The following GRID2 variants were observed in gnomAD, a reference collection of about 807,000 sequenced individuals.
GRID2 encodes the protein glutamate ionotropic receptor delta type subunit 2.
GRID2 carries 33 observed loss-of-function variants against 114.8 expected under a neutral mutation model. The observed-to-expected ratio is 0.29, with a 90% CI of 0.22 to 0.38. The LOEUF (loss-of-function observed/expected upper bound fraction) is 0.38. GRID2 is among the 10% of genes least tolerant of loss of function. The pLI is 1.00. For synonymous variants in GRID2, 505 were observed against 449.9 expected (o/e 1.12, Z -1.55); for missense variants, 1,184 against 1,257.7 (o/e 0.94, Z 0.89).
intron 1 of GRID2, among the ~76,000 whole-genome samples, chr4:92,451,952 G>A (rs1720950218): frequency 6.6e-6 from 1 of 152,102 alleles, no homozygotes; most frequent in Non-Finnish European, 1.5e-5. Context: ...TTGTGATTTG[G>A]CTTTCTCCAC....
At chr4:93,061,201 T>G (rs1361812066) in intron 2 of GRID2, among the ~76,000 whole-genome samples, 3 of 148,054 alleles carry the variant, frequency 2.0e-5, no homozygotes, top group Non-Finnish European at 4.5e-5. Context: ...TTCTTGTTTT[T>G]TTTTTTTTTT....
chr4:92,986,227 A>T (rs1299292759), intron 2 of GRID2, among the ~76,000 whole-genome samples: 1 of 152,220 alleles, frequency 6.6e-6, no homozygotes, highest in African/African-American at 2.4e-5. Context: ...GACTATATTT[A>T]TAATCCATGC....
At chr4:92,742,595 GT>G (rs1736946967) in intron 2 of GRID2, among the ~76,000 whole-genome samples, 1 of 152,150 alleles carries the variant, frequency 6.6e-6, no homozygotes. Flanking sequence ...CTCTGTCTGT[GT>G]ACAGCAGAAA....
intron 2 of GRID2, among the ~76,000 whole-genome samples, chr4:92,966,043 C>T (rs1753134265): frequency 6.6e-6 from 1 of 151,880 alleles, no homozygotes; most frequent in South Asian, 2.1e-4. Context: ...GTGGCAGATT[C>T]AGGAGGAAAC....
intron 2 of GRID2, among the ~76,000 whole-genome samples, chr4:92,980,833 G>A (rs1754144943): frequency 6.6e-6 from 1 of 151,974 alleles, no homozygotes; most frequent in African/African-American, 2.4e-5. Flanking sequence ...TGAATAATAT[G>A]GGTTTGAAAA....
At chr4:93,180,793 T>C (rs1426480067) in intron 4 of GRID2, among the ~76,000 whole-genome samples, 19 of 152,178 alleles carry the variant, frequency 1.2e-4, no homozygotes, top group Non-Finnish European at 2.8e-4. Context: ...AATCATGAGA[T>C]TGCAGGAATC....
chr4:92,536,704 C>G (rs760116300), intron 1 of GRID2, among the ~76,000 whole-genome samples: 5 of 151,938 alleles, frequency 3.3e-5, no homozygotes, highest in Non-Finnish European at 7.4e-5. Context: ...ATTTTCTTCC[C>G]AGATTTTTTC....
At chr4:92,565,095 T>A (rs920286283) in intron 1 of GRID2, among the ~76,000 whole-genome samples, 1 of 152,032 alleles carries the variant, frequency 6.6e-6, no homozygotes, top group Non-Finnish European at 1.5e-5. Flanking sequence ...CTCACTTGGG[T>A]ACTAATTACT....
At chr4:92,914,438 G>A (rs564447311) in intron 2 of GRID2, among the ~76,000 whole-genome samples, 2 of 151,820 alleles carry the variant, frequency 1.3e-5, no homozygotes, top group South Asian at 2.1e-4. Flanking sequence ...TTTATTTCTG[G>A]TTTGGAGTGT....
chr4:93,203,753 A>G (rs1356809402), intron 4 of GRID2, among the ~76,000 whole-genome samples: 1 of 152,200 alleles, frequency 6.6e-6, no homozygotes, highest in African/African-American at 2.4e-5. Context: ...TCAGCACTAC[A>G]GCATAGAGTA....
At chr4:92,633,390 G>A (rs1730906068) in intron 2 of GRID2, among the ~76,000 whole-genome samples, 1 of 152,044 alleles carries the variant, frequency 6.6e-6, no homozygotes, top group Admixed American at 6.6e-5. Flanking sequence ...TAGAACTCCT[G>A]GGAGACACAA....
intron 1 of GRID2, among the ~76,000 whole-genome samples, chr4:92,426,833 A>T (rs1732181335): frequency 1.3e-5 from 2 of 152,160 alleles, no homozygotes; most frequent in Non-Finnish European, 2.9e-5. Context: ...TGCAAAAAGC[A>T]TAAGGTCACC....
rs557890279 is a variant in GRID2 at position 92,749,555 on chromosome 4, C to T, written c.244+159269C>T. ...GTCTCCATCTCTTGACCTCGTGATC[C>T]GCCCGCCTCGGCCTCCCAAGATTTG... On this transcript the variant is annotated intron_variant, in intron 2 of 15. Coordinates refer to ENST00000282020, the MANE Select transcript of GRID2 (RefSeq NM_001510.4). Among the ~76,000 whole-genome samples, 14 of 151,580 alleles carry T rather than the reference C, an allele frequency of 9.2e-5. No individual in the cohort carries two copies. In the East Asian group the frequency reaches 9.9e-4, roughly 11 times the overall value.
At chr4:93,099,478 A>C (rs1467066520) in intron 3 of GRID2, among the ~76,000 whole-genome samples, 1 of 151,852 alleles carries the variant, frequency 6.6e-6, no homozygotes, top group African/African-American at 2.4e-5. Context: ...AATTTGTTAA[A>C]CTAATTTTGA....
intron 1 of GRID2, among the ~76,000 whole-genome samples, chr4:92,397,645 T>C (rs147632547): frequency 5.6e-4 from 85 of 151,988 alleles, no homozygotes; most frequent in Non-Finnish European, 5.0e-4. Flanking sequence ...GGCATGAAAA[T>C]ACATGGGGTA....
intron 2 of GRID2, among the ~76,000 whole-genome samples, chr4:92,778,520 A>T (rs1261047070): frequency 6.6e-6 from 1 of 152,090 alleles, no homozygotes; most frequent in Non-Finnish European, 1.5e-5. Flanking sequence ...TATTTTTGAC[A>T]ACGGTTTTAC....
At chr4:92,887,301 GC>G (rs1316468882) in intron 2 of GRID2, among the ~76,000 whole-genome samples, 1 of 152,200 alleles carries the variant, frequency 6.6e-6, no homozygotes, top group African/African-American at 2.4e-5. Context: ...GTTTATTTTT[GC>G]AGAGCTTGGT....
At chr4:93,210,635 C>T (rs1160377999) in intron 5 of GRID2, among the ~76,000 whole-genome samples, 1 of 152,044 alleles carries the variant, frequency 6.6e-6, no homozygotes, top group Non-Finnish European at 1.5e-5. Context: ...TGATCACCCA[C>T]TGTTTAAGGC....
chr4:92,420,068 G>C (rs1436549333), intron 1 of GRID2, among the ~76,000 whole-genome samples: 1 of 152,050 alleles, frequency 6.6e-6, no homozygotes, highest in Non-Finnish European at 1.5e-5. Context: ...GTTGTTTGCA[G>C]TGAAGGGATT....
Sources: allele counts gnomAD v4.1 joint callset (sites outside exome capture counted in the v4.1 genomes callset), GRCh38; gene constraint gnomAD v4.1.1; transcripts MANE v1.5; gene names NCBI Gene and HGNC (gene_info 2026-07-23, HGNC 2026-07-21).